Variants in ASPH observed in about 807,000 individuals in gnomAD.
ASPH encodes aspartate beta-hydroxylase.
In ASPH, 100 loss-of-function variants were observed where a neutral mutation model predicts 118.4. The ratio of observed to expected loss-of-function variants is 0.84; its 90% confidence interval spans 0.72 to 1.00. The LOEUF (loss-of-function observed/expected upper bound fraction) is 1.00, where lower values mean the gene tolerates loss of function less well. Ranked by LOEUF, ASPH falls within the 50% of genes least tolerant of loss-of-function variation. The probability of loss-of-function intolerance (pLI) is 0.00; values close to 1 mark genes in which losing one functional copy is unlikely to be tolerated. For missense variants in ASPH, 920 were observed against 919.5 expected (o/e 1.00, Z -0.01); for synonymous variants, 315 against 325.6 (o/e 0.97, Z 0.35).
At chr8:61,604,165 G>A (rs1380999053) in intron 14 of ASPH, among the ~76,000 whole-genome samples, 3 of 152,164 alleles carry the variant, frequency 2.0e-5, no homozygotes. Flanking sequence ...TTCAATGAGT[G>A]AGCATATGAA....
intron 3 of ASPH, chr8:61,675,861 T>C (rs908299174): frequency 2.2e-6 from 3 of 1,360,596 alleles, no homozygotes; most frequent in East Asian, 2.6e-5. Context: ...ACTACAAGAA[T>C]GAGGAGTACC....
At chr8:61,574,932 A>G (rs16927568) in intron 16 of ASPH, among the ~76,000 whole-genome samples, 14,400 of 152,242 alleles carry the variant, frequency 0.095, 967 homozygotes, top group East Asian at 0.27. Context: ...CTGCAAGGTC[A>G]CAGCCTCCTT....
chr8:61,548,105 G>A lies in ASPH; in HGVS notation c.1730C>T (p.Thr577Ile), dbSNP rs141896681. The A allele has an allele frequency of 5.4e-5, 87 of 1,613,788 alleles. No individual in the cohort carries two copies. The African/African-American group carries it at 1.1e-3, about 20-fold the overall frequency. ...CTCTGTGTAGCCCGTTTCTTTTGGGGTCCACCAAGGCTGTGCTTTCAGTCC... is the reference window on the plus strand; with the variant it reads ...CTCTGTGTAGCCCGTTTCTTTTGGGATCCACCAAGGCTGTGCTTTCAGTCC... ...VNGLKAQPWW[T>I]PKETGYTELV... Residue 577 changes from threonine (T) to isoleucine (I), a missense_variant, in exon 21 of 25, where the codon ACC becomes ATC. Physicochemically the swap from Thr to Ile is moderately conservative, Grantham distance 89. Coordinates refer to ENST00000379454, the MANE Select transcript of ASPH (RefSeq NM_004318.4).
chr8:61,505,060 C>A (rs190749344), intron 24 of ASPH, among the ~76,000 whole-genome samples: 2 of 152,100 alleles, frequency 1.3e-5, no homozygotes, highest in Non-Finnish European at 2.9e-5. Context: ...GGGAAGGACC[C>A]GATGAGAGAT....
chr8:61,613,616 G>T (rs1309194910), intron 14 of ASPH, among the ~76,000 whole-genome samples: 1 of 152,180 alleles, frequency 6.6e-6, no homozygotes, highest in Non-Finnish European at 1.5e-5. Context: ...ACACTTTCTG[G>T]TCTGGGGTAG....
Position 61,567,185 on chromosome 8 carries a change from T to A in ASPH, c.1283A>T (p.Asp428Val), listed in dbSNP as rs764791495. 6.2e-7 allele frequency: 1 copy of A among 1,613,740 alleles called. No individual in the cohort carries two copies. Among genetic ancestry groups the A allele is most frequent in the Non-Finnish European group, 8.5e-7 (1 of 1,179,866 alleles). ...CATCTTACCTAGAAATTGTTGCCTG[T>A]CTGAGCGACGCTTCAAACTCAGCTT... is the stretch of plus-strand genomic sequence containing the variant. ...LLKLSLKRRS[D>V]RQQFLGHMRG... is the part of the protein sequence containing the mutation. Residue 428 changes from aspartate (D) to valine (V), a missense_variant, in exon 17 of 25, where the codon GAC (aspartate) becomes GTC (valine). Asp to Val is a radical substitution (Grantham distance 152). Transcript: ENST00000379454.
intron 3 of ASPH, chr8:61,658,739 T>G (rs1414173054): frequency 6.6e-6 from 1 of 152,200 alleles, no homozygotes; most frequent in Non-Finnish European, 1.5e-5. Context: ...CCAAGGTAGT[T>G]AAAACACTGC....
chr8:61,677,689 A>C (rs1040942129), intron 3 of ASPH, among the ~76,000 whole-genome samples: 14 of 152,168 alleles, frequency 9.2e-5, no homozygotes, highest in African/African-American at 3.4e-4. Context: ...TTAGCAGCAG[A>C]CAAATGCTGT....
intron 15 of ASPH, chr8:61,578,652 A>C (rs1419756954): frequency 1.3e-6 from 2 of 1,593,722 alleles, no homozygotes; most frequent in Non-Finnish European, 1.7e-6. Context: ...GAGCTACATC[A>C]ACAACCTTAG....
chr8:61,691,097 A>T (rs1257245180), intron 1 of ASPH, among the ~76,000 whole-genome samples: 1 of 152,232 alleles, frequency 6.6e-6, no homozygotes, highest in Non-Finnish European at 1.5e-5. Context: ...ACACTAAATT[A>T]TAGAAGGGAT....
intron 14 of ASPH, among the ~76,000 whole-genome samples, chr8:61,602,446 T>A (rs899958896): frequency 6.6e-6 from 1 of 151,412 alleles, no homozygotes; most frequent in Admixed American, 6.6e-5. Flanking sequence ...TAGGAAACTT[T>A]CTCAATCTGA....
chr8:61,711,835 T>C (rs1196866761), intron 1 of ASPH, among the ~76,000 whole-genome samples: 2 of 151,698 alleles, frequency 1.3e-5, no homozygotes, highest in Admixed American at 1.3e-4. Context: ...CATATACTTC[T>C]TCTCAAACTA....
chr8:61,523,407 C>T (rs113183284), intron 22 of ASPH, among the ~76,000 whole-genome samples: 9,487 of 150,892 alleles, frequency 0.063, 485 homozygotes, highest in South Asian at 0.22. Flanking sequence ...TCTCTGCCTC[C>T]TGGGTTCAAG....
At chr8:61,668,963 G>C (rs928017035) in intron 3 of ASPH, among the ~76,000 whole-genome samples, 1 of 152,100 alleles carries the variant, frequency 6.6e-6, no homozygotes, top group African/African-American at 2.4e-5. Context: ...CCAATGAACT[G>C]ATCTTCCCAA....
intron 13 of ASPH, among the ~76,000 whole-genome samples, chr8:61,626,869 G>A (rs892708840): frequency 2.0e-5 from 3 of 151,000 alleles, no homozygotes; most frequent in Non-Finnish European, 2.9e-5. Context: ...CTTAACTTTA[G>A]TATCTGATTT....
intron 3 of ASPH, chr8:61,668,240 C>T (rs141308215): frequency 2.2e-4 from 358 of 1,608,876 alleles, no homozygotes; most frequent in Non-Finnish European, 2.9e-4. Context: ...ATACCTTTAG[C>T]CTTAGTTTTT....
At chr8:61,649,809 T>G (rs1414937579) in intron 5 of ASPH, among the ~76,000 whole-genome samples, 1 of 152,198 alleles carries the variant, frequency 6.6e-6, no homozygotes, top group Non-Finnish European at 1.5e-5. Context: ...GCATTTTTCA[T>G]GCTACAGACA....
At position 61,705,310 on chromosome 8, in the gene ASPH, T is replaced by G. The variant is rs532251018; in HGVS notation, c.103+8959A>C. Reference sequence around the variant, plus strand: ...CTCAGCAGGTATTAAGCTTATTACCTGTGTGACAAAATTATCTGTACACCA... The same window carrying G: ...CTCAGCAGGTATTAAGCTTATTACCGGTGTGACAAAATTATCTGTACACCA... On this transcript the variant is annotated intron_variant, in intron 1 of 24. Coordinates refer to ENST00000379454, the MANE Select transcript of ASPH (RefSeq NM_004318.4). 2.6e-5 allele frequency among the ~76,000 whole-genome samples: 4 copies of G among 152,340 alleles called. No individual in the cohort carries two copies. The East Asian group carries it at 7.7e-4, about 29-fold the overall frequency.
At chr8:61,624,252 G>A (rs1851948780) in intron 13 of ASPH, 1 of 985,182 alleles carries the variant, frequency 1.0e-6, no homozygotes, top group Admixed American at 6.2e-5. Context: ...GGTGGAGCAG[G>A]CTGTCCAGGG....
Sources: allele counts gnomAD v4.1 joint callset (sites outside exome capture counted in the v4.1 genomes callset), GRCh38; gene constraint gnomAD v4.1.1; transcripts MANE v1.5; gene names NCBI Gene and HGNC (gene_info 2026-07-23, HGNC 2026-07-21).